The following TRIM26 variants were observed in gnomAD, a reference collection of about 807,000 sequenced individuals.
TRIM26 encodes tripartite motif containing 26.
A neutral mutation model predicts 45.5 loss-of-function variants in TRIM26; 16 were observed. The ratio of observed to expected loss-of-function variants is 0.35; its 90% CI spans 0.24 to 0.53. The LOEUF (loss-of-function observed/expected upper bound fraction) is 0.53, where lower values mean the gene tolerates loss of function less well. TRIM26 is among the 20% of genes least tolerant of loss of function. TRIM26 has a pLI of 0.92. For missense variants in TRIM26, 442 were observed against 691.1 expected (o/e 0.64, Z 4.04); for synonymous variants, 273 against 290.4 (o/e 0.94, Z 0.61).
Position 30,211,409 on chromosome 6 carries a change from T to TG in TRIM26, c.-376+1895dup, listed in dbSNP as rs140689152. Among the ~76,000 whole-genome samples the TG allele has an allele frequency of 7.6e-3, 1,164 of 152,248 alleles. 9 individuals are homozygous for TG. Among genetic ancestry groups the TG allele is most frequent in the Middle Eastern group, 0.027 (8 of 294 alleles). Reference sequence around the variant, plus strand: ...CTCTGTGTCTTTTCTATTCTGATCCTGGGGGGGTCCAAGTCTGAAGTCATT... The same window carrying TG: ...CTCTGTGTCTTTTCTATTCTGATCCTGGGGGGGGTCCAAGTCTGAAGTCATT... On this transcript the variant is annotated intron_variant, in intron 1 of 9. Transcript: ENST00000454678.
chr6:30,201,600 C>G (rs1423475642), intron 2 of TRIM26, among the ~76,000 whole-genome samples: 1 of 152,100 alleles, frequency 6.6e-6, no homozygotes, highest in Non-Finnish European at 1.5e-5. Flanking sequence ...AATCCCAACA[C>G]TTTGGGAGGC....
chr6:30,201,424 T>C (rs574697993), intron 2 of TRIM26, among the ~76,000 whole-genome samples: 2 of 152,330 alleles, frequency 1.3e-5, no homozygotes, highest in Non-Finnish European at 2.9e-5. Flanking sequence ...GATCTAGGTA[T>C]GTGTGACTTT....
chr6:30,189,429 C>T lies in TRIM26; in HGVS notation c.893G>A (p.Arg298Lys), dbSNP rs763811447. 1.9e-6 allele frequency: 3 copies of T among 1,613,002 alleles called. No individual in the cohort carries two copies. The highest frequency in any genetic ancestry group is 2.5e-6 in the Non-Finnish European group (3 of 1,180,010). The change falls in exon 8 of 10, where the codon AGG becomes AAG. Residue 298 changes from arginine (R) to lysine (K), a missense_variant. Transcript: ENST00000454678. This position sits in a 1 kb window ranked among gnomAD's most constrained non-coding sequence, Gnocchi z 5.0. ...TCCCCAACCCTTACCCTGGAATTCC[C>T]TCAGGCCTCGTTGCAGAGAGAGGAG... ...DKLLSLQRGL[R>K]EFQGKLLRDL...
Position 30,189,368 on chromosome 6 carries a change from G to A in TRIM26, c.904+50C>T, listed in dbSNP as rs376251787. On this transcript the variant is annotated intron_variant, in intron 8 of 9. Coordinates refer to ENST00000454678, the MANE Select transcript of TRIM26 (RefSeq NM_003449.5). This position sits in a 1 kb window ranked among gnomAD's most constrained non-coding sequence, Gnocchi z 5.0. ...AAGGAGCTGGGTGCGCTCTTTCTAC[G>A]AGGTAGCCCTGCTCTGACTCCCACC... 8.3e-5 allele frequency: 133 copies of A among 1,593,994 alleles called. 1 individual carries two copies. In the African/African-American group the frequency reaches 1.4e-3, roughly 16 times the overall value.
rs1775539648 is a variant in TRIM26 at position 30,189,178 on chromosome 6, T to G, written c.926A>C (p.Glu309Ala). 1.9e-6 allele frequency: 3 copies of G among 1,612,758 alleles called. No homozygotes were observed. The highest frequency in any genetic ancestry group is 1.7e-5 in the Admixed American group (1 of 59,984). Residue 309 changes from glutamate (E) to alanine (A), a missense_variant, in exon 9 of 10, where the codon GAA becomes GCA. Transcript: ENST00000454678. The surrounding 1 kb of genome is among the most constrained non-coding windows in gnomAD (Gnocchi z 5.0). Reference sequence around the variant, plus strand: ...CTCTAGACACTCACCTGTCTTATATTCCAAGTCTCTCAGCAGCTTCCCTGG... The same window carrying G: ...CTCTAGACACTCACCTGTCTTATATGCCAAGTCTCTCAGCAGCTTCCCTGG... Reference protein sequence around the residue: ...EFQGKLLRDLEYKTVSVTLDP... With the variant: ...EFQGKLLRDLAYKTVSVTLDP...
chr6:30,188,375 G>T, intron 9 of TRIM26: 1 of 420,536 alleles, frequency 2.4e-6, no homozygotes, highest in South Asian at 7.1e-5. Flanking sequence ...TCTGTAAGAT[G>T]GTTCAAGAAA....
intron 6 of TRIM26, among the ~76,000 whole-genome samples, chr6:30,193,134 A>ATGTGTG (rs1383726823): frequency 1.8e-5 from 1 of 54,700 alleles, no homozygotes; most frequent in African/African-American, 1.1e-4. Flanking sequence ...ATATATACAT[A>ATGTGTG]TATGTGTGTG....
intron 1 of TRIM26, among the ~76,000 whole-genome samples, chr6:30,208,902 A>ATG (rs1491104453): frequency 6.7e-5 from 5 of 74,578 alleles, no homozygotes; most frequent in East Asian, 5.0e-4. Context: ...GGGATATAGA[A>ATG]TATGTGTGTG....
chr6:30,199,845 C>G (rs1002855518), intron 3 of TRIM26, among the ~76,000 whole-genome samples: 8 of 152,104 alleles, frequency 5.3e-5, no homozygotes, highest in African/African-American at 1.9e-4. Context: ...ACCGTGTTAG[C>G]CAGGATGGTC....
rs1286793618 is a variant in TRIM26 at position 30,209,488 on chromosome 6, C to A, written c.-376+3817G>T. 6.6e-6 allele frequency among the ~76,000 whole-genome samples: 1 copy of A among 152,134 alleles called. No homozygotes were observed. The highest frequency in any genetic ancestry group is 6.5e-5 in the Admixed American group (1 of 15,268). Reference sequence around the variant, plus strand: ...TGTAACTCTCATGAATGGATTAATGCCTTTCTTGCAAGAGTCCATTGGCCA... The same window carrying A: ...TGTAACTCTCATGAATGGATTAATGACTTTCTTGCAAGAGTCCATTGGCCA... On this transcript the variant is annotated intron_variant, in intron 1 of 9. Transcript: ENST00000454678. The surrounding 1 kb of genome is among the most constrained non-coding windows in gnomAD (Gnocchi z 4.8).
At chr6:30,212,324 C>G (rs892067206) in intron 1 of TRIM26, among the ~76,000 whole-genome samples, 16 of 152,164 alleles carry the variant, frequency 1.1e-4, no homozygotes, top group African/African-American at 3.9e-4. Context: ...GTGGTAACCT[C>G]CATGGGATCA....
In TRIM26 at chr6:30,186,243, G is replaced by A. The variant is rs766899859; in HGVS notation, c.1253C>T (p.Ser418Leu). 1.4e-5 allele frequency: 22 copies of A among 1,600,682 alleles called. No homozygotes were observed. The highest frequency in any genetic ancestry group is 3.4e-5 in the Admixed American group (2 of 58,204). ...CTCTTCTTCCTCTTCATCGCCCAAC[G>A]ATTCCTCATCTTCGTCCGTTTCCCA... The part of the protein sequence containing the change: ...DDWETDEDEE[S>L]LGDEEEEEEE... The change falls in exon 10 of 10, where the codon TCG becomes TTG. Residue 418 changes from serine to leucine, a missense_variant. Ser to Leu is a moderately radical substitution (Grantham distance 145). Transcript: ENST00000454678. The surrounding 1 kb of genome is among the most constrained non-coding windows in gnomAD (Gnocchi z 7.4).
In TRIM26 at chr6:30,190,122, G is replaced by A; in HGVS notation, c.766-87C>T. On this transcript the variant is annotated intron_variant, in intron 6 of 9. Transcript: ENST00000454678. This position sits in a 1 kb window ranked among gnomAD's most constrained non-coding sequence, Gnocchi z 4.3. Reference sequence around the variant, plus strand: ...GCACCCAACACTGTAGCAGAGATGGGACATATCAGTGAACAAAACAAATGT... The same window carrying A: ...GCACCCAACACTGTAGCAGAGATGGAACATATCAGTGAACAAAACAAATGT... 2 of 1,438,840 alleles carry A rather than the reference G, an allele frequency of 1.4e-6. No individual in the cohort carries two copies. The highest frequency in any genetic ancestry group is 1.9e-6 in the Non-Finnish European group (2 of 1,029,236). The allele number at this position is 1,438,840 out of a possible 1,614,324, so 89.1% of individuals were successfully genotyped here. A position where few individuals can be genotyped will look rare whatever the true frequency, so the allele number is the denominator to read the frequency against.
intron 2 of TRIM26, among the ~76,000 whole-genome samples, chr6:30,203,384 T>A (rs1777394353): frequency 1.3e-5 from 2 of 151,958 alleles, no homozygotes; most frequent in South Asian, 4.1e-4. Flanking sequence ...AGGTTATGTA[T>A]GAGAATGCCT....
rs1776448807 is a variant in TRIM26, at chr6:30,196,289, T to C, written c.765+227A>G. 6.6e-6 allele frequency among the ~76,000 whole-genome samples: 1 copy of C among 152,278 alleles called. No individual in the cohort carries two copies. Among genetic ancestry groups the C allele is most frequent in the Non-Finnish European group, 1.5e-5 (1 of 68,048 alleles). Reference sequence around the variant, plus strand: ...ATTTTCTACTATACCATTTAGTTTTTTGAACAGTTTTGTGTAAAAAGTTTA... The same window carrying C: ...ATTTTCTACTATACCATTTAGTTTTCTGAACAGTTTTGTGTAAAAAGTTTA... On this transcript the variant is annotated intron_variant, in intron 6 of 9. Transcript: ENST00000454678. This position sits in a 1 kb window ranked among gnomAD's most constrained non-coding sequence, Gnocchi z 4.9.
chr6:30,199,034 G>T lies in TRIM26; in HGVS notation c.70C>A (p.Arg24=). 1 of 1,607,288 alleles carries T rather than the reference G, an allele frequency of 6.2e-7. No homozygotes were observed. Among genetic ancestry groups the T allele is most frequent in the Non-Finnish European group, 8.5e-7 (1 of 1,175,828 alleles). ...CCACAGTCAATGGTCACAGGGTCCC[G>T]CAGGTAATCAAGACAGATGGAGCAG... The part of the protein sequence containing the change: ...VTCSICLDYL[R]DPVTIDCGHV... Residue 24 remains arginine, a synonymous_variant, in exon 4 of 10, where the codon CGG becomes AGG. Coordinates refer to ENST00000454678, the MANE Select transcript of TRIM26 (RefSeq NM_003449.5).
At chr6:30,204,541 G>A (rs1060914) in intron 2 of TRIM26, 115 bp downstream of exon 2, 1 of 152,180 alleles carries the variant, frequency 6.6e-6, no homozygotes, top group East Asian at 1.9e-4. Flanking sequence ...TAGGAGAAAT[G>A]AGGTTGAGTA....
chr6:30,199,668 A>AG (rs1414535122), intron 3 of TRIM26, among the ~76,000 whole-genome samples: 5 of 130,552 alleles, frequency 3.8e-5, no homozygotes, highest in African/African-American at 5.9e-5. Context: ...ATGGAGTCTT[A>AG]CTCTGTCGCC....
chr6:30,210,320 ATAC>A (rs1224575680), intron 1 of TRIM26, among the ~76,000 whole-genome samples: 1 of 151,914 alleles, frequency 6.6e-6, no homozygotes, highest in Non-Finnish European at 1.5e-5. Context: ...TGGCCATTAG[ATAC>A]ACTGAACCAG....
Sources: gnomAD v4.1 joint callset for allele counts (sites outside exome capture counted in the v4.1 genomes callset) on GRCh38, gnomAD v4.1.1 for gene constraint, Gnocchi (gnomAD v3.1) non-coding constraint, MANE v1.5 for transcripts, NCBI Gene and HGNC (gene_info 2026-07-23, HGNC 2026-07-21) for gene names.